Variants in DOK6 observed in about 807,000 individuals in gnomAD.
DOK6 encodes the protein docking protein 6.
DOK6 carries 22 observed loss-of-function variants against 44.0 expected under a neutral mutation model. That is an observed-to-expected ratio of 0.50 (90% CI 0.36 to 0.71). The LOEUF (loss-of-function observed/expected upper bound fraction) is 0.71, where lower values mean the gene tolerates loss of function less well. Ranked by LOEUF, DOK6 falls within the 30% of genes least tolerant of loss-of-function variation. The probability of loss-of-function intolerance (pLI) is 0.00; values close to 1 mark genes in which losing one functional copy is unlikely to be tolerated. For missense variants in DOK6, 340 were observed against 416.4 expected (o/e 0.82, Z 1.60); for synonymous variants, 166 against 145.5 (o/e 1.14, Z -1.01).
At chr18:69,546,434 T>A (rs1443084141) in intron 1 of DOK6, among the ~76,000 whole-genome samples, 1 of 151,626 alleles carries the variant, frequency 6.6e-6, no homozygotes, top group Non-Finnish European at 1.5e-5. Flanking sequence ...CTCTGCTGTT[T>A]TCAGTCATAG....
intron 1 of DOK6, among the ~76,000 whole-genome samples, chr18:69,439,343 C>T (rs1355136143): frequency 6.6e-6 from 1 of 152,110 alleles, no homozygotes; most frequent in Non-Finnish European, 1.5e-5. Context: ...GCATTGGCTG[C>T]AACTTAAAGT....
chr18:69,763,178 G>T (rs1979616794), intron 7 of DOK6, among the ~76,000 whole-genome samples: 1 of 152,152 alleles, frequency 6.6e-6, no homozygotes, highest in Non-Finnish European at 1.5e-5. Context: ...AGCACATGTT[G>T]TACGAAGTAC....
At chr18:69,616,598 C>T (rs1344612739) in intron 3 of DOK6, among the ~76,000 whole-genome samples, 6 of 152,002 alleles carry the variant, frequency 3.9e-5, no homozygotes, top group East Asian at 1.9e-4. Flanking sequence ...TTTTTAAAAA[C>T]GTTTTATAAG....
rs997038408 is a variant in DOK6 at position 69,425,264 on chromosome 18, T to C, written c.66+23954T>C. On this transcript the variant is annotated intron_variant, in intron 1 of 7. Transcript: ENST00000382713. ...AGTTTTTTTATTATATATATTTATGTTTATATAATAATTTTTTCTTTTCCC... is the reference window on the plus strand; with the variant it reads ...AGTTTTTTTATTATATATATTTATGCTTATATAATAATTTTTTCTTTTCCC... Among the ~76,000 whole-genome samples the C allele has an allele frequency of 1.1e-4, 17 of 151,954 alleles. 1 individual carries two copies. Among genetic ancestry groups the C allele is most frequent in the African/African-American group, 4.1e-4 (17 of 41,440 alleles).
chr18:69,708,464 T>G (rs1014599779), intron 5 of DOK6, among the ~76,000 whole-genome samples: 1 of 152,136 alleles, frequency 6.6e-6, no homozygotes, highest in Non-Finnish European at 1.5e-5. Context: ...ATGTCCACCT[T>G]CAGTGCTGAT....
chr18:69,802,361 A>G (rs529197910), intron 7 of DOK6, among the ~76,000 whole-genome samples: 3 of 152,198 alleles, frequency 2.0e-5, no homozygotes, highest in East Asian at 3.9e-4. Flanking sequence ...ACATCCTCAA[A>G]CTTTTCCAGA....
intron 1 of DOK6, among the ~76,000 whole-genome samples, chr18:69,503,347 A>G (rs1477924568): frequency 6.6e-6 from 1 of 152,140 alleles, no homozygotes; most frequent in Non-Finnish European, 1.5e-5. Flanking sequence ...TGAATTTTCA[A>G]CACAGAAGCT....
intron 1 of DOK6, among the ~76,000 whole-genome samples, chr18:69,546,841 ATAT>A (rs1199190384): frequency 6.6e-6 from 1 of 151,546 alleles, no homozygotes; most frequent in African/African-American, 2.4e-5. Flanking sequence ...GTTTTGAACT[ATAT>A]CATATGTTGC....
intron 1 of DOK6, among the ~76,000 whole-genome samples, chr18:69,495,219 G>A (rs551943860): frequency 1.3e-5 from 2 of 152,356 alleles, no homozygotes; most frequent in African/African-American, 4.8e-5. Context: ...GGGAGTCACA[G>A]TCTTGGCTTG....
At chr18:69,437,067 G>C (rs1310019021) in intron 1 of DOK6, among the ~76,000 whole-genome samples, 1 of 152,150 alleles carries the variant, frequency 6.6e-6, no homozygotes, top group East Asian at 1.9e-4. Flanking sequence ...TCCTTTGTCA[G>C]ATGGACAGAT....
intron 5 of DOK6, among the ~76,000 whole-genome samples, chr18:69,701,387 C>T (rs944057779): frequency 3.3e-5 from 5 of 152,220 alleles, no homozygotes; most frequent in African/African-American, 4.8e-5. Context: ...ATTTGCCATG[C>T]AAGCATATTT....
At chr18:69,704,350 C>A (rs536772772) in intron 5 of DOK6, among the ~76,000 whole-genome samples, 51 of 152,206 alleles carry the variant, frequency 3.4e-4, no homozygotes, top group Admixed American at 5.9e-4. Context: ...TCTCTTCTTC[C>A]TACACACTCA....
At chr18:69,659,867 A>AAACATATATGTATGTTTTATATATAT (rs1568325212) in intron 3 of DOK6, 51 of 29,802 alleles carry the variant, frequency 1.7e-3, no homozygotes, top group Admixed American at 4.9e-3. Context: ...TATATATATA[A>AAACATATATGTATGTTTTATATATAT]AACATATATG....
intron 3 of DOK6, among the ~76,000 whole-genome samples, chr18:69,654,049 A>T (rs1340626149): frequency 6.6e-6 from 1 of 152,230 alleles, no homozygotes; most frequent in Non-Finnish European, 1.5e-5. Flanking sequence ...TCAAACAAAA[A>T]TTCTGAAATC....
intron 1 of DOK6, chr18:69,483,728 T>C (rs930598186): frequency 3.9e-5 from 6 of 152,116 alleles, no homozygotes; most frequent in African/African-American, 1.4e-4. Flanking sequence ...GTTTGCAGGA[T>C]AGACTTGCTT....
At chr18:69,595,989 A>G (rs1369941285) in intron 2 of DOK6, among the ~76,000 whole-genome samples, 1 of 152,142 alleles carries the variant, frequency 6.6e-6, no homozygotes, top group Non-Finnish European at 1.5e-5. Flanking sequence ...TTCATTTTCA[A>G]CCGGGTGTGG....
At chr18:69,607,869 T>C (rs920875563) in intron 3 of DOK6, among the ~76,000 whole-genome samples, 1 of 152,132 alleles carries the variant, frequency 6.6e-6, no homozygotes, top group Admixed American at 6.5e-5. Context: ...AAATTAGAGT[T>C]TTAGAATAAT....
At chr18:69,759,793 C>T (rs1187689219) in intron 7 of DOK6, among the ~76,000 whole-genome samples, 1 of 152,112 alleles carries the variant, frequency 6.6e-6, no homozygotes, top group Non-Finnish European at 1.5e-5. Flanking sequence ...CTTGACATGC[C>T]TTTTCAATTA....
At chr18:69,572,542 T>C (rs1983138503) in intron 2 of DOK6, among the ~76,000 whole-genome samples, 1 of 152,080 alleles carries the variant, frequency 6.6e-6, no homozygotes, top group Non-Finnish European at 1.5e-5. Flanking sequence ...ATCTTTGGCA[T>C]ATTGATAGTA....
Sources: allele counts gnomAD v4.1 joint callset (sites outside exome capture counted in the v4.1 genomes callset), GRCh38; gene constraint gnomAD v4.1.1; transcripts MANE v1.5; gene names NCBI Gene and HGNC (gene_info 2026-07-23, HGNC 2026-07-21).